DNMT1: variants seen among roughly 807,000 people sequenced by gnomAD.
DNMT1 encodes the protein DNA methyltransferase 1, also known as DNA (cytosine-5)-methyltransferase 1.
In DNMT1, 24 loss-of-function variants were observed where a neutral mutation model predicts 205.3. The observed-to-expected ratio is 0.12, with a 90% CI of 0.08 to 0.16. The LOEUF is 0.16. Ranked by LOEUF, DNMT1 falls within the 10% of genes least tolerant of loss-of-function variation. The probability of loss-of-function intolerance (pLI) is 1.00; values close to 1 mark genes in which losing one functional copy is unlikely to be tolerated. For missense variants in DNMT1, 1,293 were observed against 2,177.7 expected, an observed-to-expected ratio of 0.59 and a Z score of 8.09; for synonymous variants, 817 against 839.8, an observed-to-expected ratio of 0.97 and a Z score of 0.47.
chr19:10,168,042 G>A (rs1324576087), intron 10 of DNMT1, among the ~76,000 whole-genome samples: 1 of 152,066 alleles, frequency 6.6e-6, no homozygotes, highest in Non-Finnish European at 1.5e-5. Context: ...AGAATTGCTT[G>A]AGCCCGGGAG....
chr19:10,155,908 T>C lies in DNMT1; in HGVS notation c.1437A>G (p.Glu479=), dbSNP rs2145311377. Residue 479 remains glutamate (E), a synonymous_variant, in exon 19 of 41, where the codon GAA becomes GAG. Transcript: ENST00000359526. The stretch of plus-strand genomic sequence containing the variant: ...CTCCATCAAAGCCAGTGATCCACCA[T>C]TCATTTATGGGGCCAAGATTTTTGC... The part of the protein sequence containing the change: ...VNGKNLGPIN[E]WWITGFDGGE... The C allele has an allele frequency of 6.2e-7, 1 of 1,613,788 alleles. No homozygotes were observed. Among genetic ancestry groups the C allele is most frequent in the Non-Finnish European group, 8.5e-7 (1 of 1,179,884 alleles).
At chr19:10,158,527 G>A (rs768940677) in intron 17 of DNMT1, among the ~76,000 whole-genome samples, 29 of 152,204 alleles carry the variant, frequency 1.9e-4, no homozygotes, top group Non-Finnish European at 3.7e-4. Flanking sequence ...GGCCGTTCCT[G>A]GAGCTGAGGC....
Position 10,149,952 on chromosome 19 carries a change from C to T in DNMT1, c.2282G>A (p.Ser761Asn). Residue 761 changes from serine (S) to asparagine (N), a missense_variant, in exon 25 of 41, where the codon AGT (serine) becomes AAT (asparagine). By Grantham distance (46) the Ser-to-Asn change is conservative (BLOSUM62 1). This residue lies in a region of DNMT1 where 197 missense variants were observed against 353.6 expected (regional missense o/e 0.56). Transcript: ENST00000359526. ...ATCAATGCACACCTTCTTATAGTAACTCTTCTTCCCATCAGTCTGAAAATG... is the reference window on the plus strand; with the variant it reads ...ATCAATGCACACCTTCTTATAGTAATTCTTCTTCCCATCAGTCTGAAAATG... Reference protein sequence around the residue: ...GEAVKTDGKKSYYKKVCIDAE... With the variant: ...GEAVKTDGKKNYYKKVCIDAE... 6.2e-7 allele frequency: 1 copy of T among 1,614,214 alleles called. No homozygotes were observed. Among genetic ancestry groups the T allele is most frequent in the African/African-American group, 1.3e-5 (1 of 75,064 alleles).
At chr19:10,172,694 A>G (rs1301235746) in intron 9 of DNMT1, among the ~76,000 whole-genome samples, 1 of 151,834 alleles carries the variant, frequency 6.6e-6, no homozygotes, top group Non-Finnish European at 1.5e-5. Flanking sequence ...GGGCGCCTGT[A>G]GTCCCAGTGA....
chr19:10,167,496 C>G (rs1029198186), intron 10 of DNMT1, among the ~76,000 whole-genome samples: 1 of 152,146 alleles, frequency 6.6e-6, no homozygotes, highest in East Asian at 1.9e-4. Flanking sequence ...TGCACCTGGC[C>G]CAACTTTTTT....
Position 10,194,895 on chromosome 19 carries a change from G to T in DNMT1, c.5C>A (p.Pro2Gln). 6.2e-7 allele frequency: 1 copy of T among 1,608,576 alleles called. No individual in the cohort carries two copies. The highest frequency in any genetic ancestry group is 8.5e-7 in the Non-Finnish European group (1 of 1,177,824). Residue 2 changes from proline (P) to glutamine (Q), a missense_variant, in exon 1 of 41, where the codon CCG becomes CAG. This residue lies in a region of DNMT1 where 394 missense variants were observed against 451.6 expected (regional missense o/e 0.87). Coordinates refer to ENST00000359526, the MANE Select transcript of DNMT1 (RefSeq NM_001130823.3). ...CACCCGGGCTGGGGCGGTACGCGCCGGCATCTCGGAGGCTTCAGCAGACGC... is the reference window on the plus strand; with the variant it reads ...CACCCGGGCTGGGGCGGTACGCGCCTGCATCTCGGAGGCTTCAGCAGACGC... MPARTAPARVPT... is the reference protein window; with the variant it reads MQARTAPARVPT...
chr19:10,173,832 C>T, intron 8 of DNMT1, 39 bp downstream of exon 8: 2 of 1,610,924 alleles, frequency 1.2e-6, no homozygotes, highest in Non-Finnish European at 1.7e-6. Flanking sequence ...GATTACACAA[C>T]TCGTAGAACA....
chr19:10,187,065 G>C (rs1216030085), intron 1 of DNMT1, among the ~76,000 whole-genome samples: 2 of 151,868 alleles, frequency 1.3e-5, no homozygotes, highest in Non-Finnish European at 2.9e-5. Context: ...CACATACAGG[G>C]AGGGAAAGGC....
At chr19:10,193,499 G>A (rs755931431) in intron 1 of DNMT1, among the ~76,000 whole-genome samples, 4 of 145,672 alleles carry the variant, frequency 2.7e-5, no homozygotes, top group Non-Finnish European at 4.5e-5. Flanking sequence ...GAGTAGTTGG[G>A]ACCACAGGCG....
Position 10,137,009 on chromosome 19 carries a change from G to A in DNMT1, c.4489+76C>T, listed in dbSNP as rs576478295. On this transcript the variant is annotated intron_variant, in intron 37 of 40. Transcript: ENST00000359526. The surrounding 1 kb of genome is among the most constrained non-coding windows in gnomAD (Gnocchi z 6.4). Reference sequence around the variant, plus strand: ...TGTCTGTGCCCTGCCCTGGCCTCCAGGTTCACAGGCCAAAGGCCCAGGGCT... The same window carrying A: ...TGTCTGTGCCCTGCCCTGGCCTCCAAGTTCACAGGCCAAAGGCCCAGGGCT... 11 of 1,554,054 alleles carry A rather than the reference G, an allele frequency of 7.1e-6. No homozygotes were observed. In the South Asian group the frequency reaches 1.1e-4, roughly 15 times the overall value.
chr19:10,188,469 A>G (rs2336690), intron 1 of DNMT1, among the ~76,000 whole-genome samples: 98,396 of 151,950 alleles, frequency 0.65, 32,491 homozygotes, highest in East Asian at 0.76. Context: ...GAACCCAGGA[A>G]GCAGAAGTTG....
rs1362912301 is a variant in DNMT1 at position 10,160,412 on chromosome 19, TCTC to T, written c.1012_1014del (p.Glu338del). The T allele has an allele frequency of 6.8e-6, 11 of 1,614,156 alleles. No individual in the cohort carries two copies. Among genetic ancestry groups the T allele is most frequent in the East Asian group, 2.2e-5 (1 of 44,894 alleles). On this transcript the variant is annotated inframe_deletion, in exon 14 of 41. Transcript: ENST00000359526. ...TCTTTGGGGGTCGTTTTGCGTCTCT[TCTC>T]CTCCTACACAGGGAAAACAAAAGAG...
chr19:10,189,927 C>A (rs1250648437), intron 1 of DNMT1, among the ~76,000 whole-genome samples: 2 of 152,090 alleles, frequency 1.3e-5, no homozygotes, highest in African/African-American at 4.8e-5. Context: ...TCCTAACACC[C>A]CTGTCGAGCA....
At chr19:10,170,572 G>A (rs8103303) in intron 9 of DNMT1, among the ~76,000 whole-genome samples, 1,855 of 151,284 alleles carry the variant, frequency 0.012, 38 homozygotes, top group African/African-American at 0.043. Context: ...TTGAACGCAG[G>A]AGACAGAGGT....
intron 9 of DNMT1, 37 bp downstream of exon 9, chr19:10,173,053 G>T (rs1188557948): frequency 6.2e-7 from 1 of 1,611,766 alleles, no homozygotes; most frequent in South Asian, 1.1e-5. Context: ...ATAGGATTAA[G>T]GGAGAATTAA....
intron 30 of DNMT1, 123 bp downstream of exon 30, chr19:10,141,905 A>T: frequency 8.2e-7 from 1 of 1,215,046 alleles, no homozygotes; most frequent in Non-Finnish European, 1.1e-6. Flanking sequence ...ACGTCAGCCA[A>T]CCACCCACTT....
intron 10 of DNMT1, 41 bp downstream of exon 10, chr19:10,168,289 A>C (rs2038735147): frequency 6.2e-7 from 1 of 1,612,332 alleles, no homozygotes; most frequent in African/African-American, 1.3e-5. Context: ...TTAGCAATTC[A>C]GTTTCACAAC....
chr19:10,146,645 T>A lies in DNMT1; in HGVS notation c.2721-121A>T. 1 of 1,280,850 alleles carries A rather than the reference T, an allele frequency of 7.8e-7. No homozygotes were observed. Among genetic ancestry groups the A allele is most frequent in the Non-Finnish European group, 1.1e-6 (1 of 917,866 alleles). The allele number at this position is 1,280,850 out of a possible 1,614,324, so 79.3% of individuals were successfully genotyped here. A position where few individuals can be genotyped will look rare whatever the true frequency, so the allele number is the denominator to read the frequency against. The stretch of plus-strand genomic sequence containing the variant: ...AAGAGGAAAAAACATTTGCAGATGC[T>A]AGAAGGAAGAGGTGGCTTTCTTGTG... On this transcript the variant is annotated intron_variant, in intron 27 of 40. Coordinates refer to ENST00000359526, the MANE Select transcript of DNMT1 (RefSeq NM_001130823.3). The surrounding 1 kb of genome is among the most constrained non-coding windows in gnomAD (Gnocchi z 4.4).
Position 10,191,841 on chromosome 19 carries a change from AT to A in DNMT1, c.80+2978del, listed in dbSNP as rs1555697159. On this transcript the variant is annotated intron_variant, in intron 1 of 40. Transcript: ENST00000359526. The stretch of plus-strand genomic sequence containing the variant: ...AAGACCCTCATCTCTAAAAAAAAAA[AT>A]TTTTTTTTTTTCTGAGACAGAGTTT... 1.3e-3 allele frequency among the ~76,000 whole-genome samples: 185 copies of A among 147,788 alleles called. 1 individual carries two copies. The highest frequency in any genetic ancestry group is 0.01 in the South Asian group (48 of 4,646).
Sources: allele counts gnomAD v4.1 joint callset (sites outside exome capture counted in the v4.1 genomes callset), GRCh38; gene constraint gnomAD v4.1.1; regional missense constraint gnomAD v4.1.1; non-coding constraint Gnocchi (gnomAD v3.1); transcripts MANE v1.5; gene names NCBI Gene and HGNC (gene_info 2026-07-23, HGNC 2026-07-21).